MYRIP: variants seen among roughly 807,000 people sequenced by gnomAD.
MYRIP encodes myosin VIIA and Rab interacting protein.
A neutral mutation model predicts 98.0 loss-of-function variants in MYRIP; 49 were observed. The ratio of observed to expected loss-of-function variants is 0.50; its 90% CI spans 0.40 to 0.63. The LOEUF is 0.63. Among genes scored for constraint, MYRIP ranks in the 30% least tolerant of loss-of-function variants. The pLI is 0.00. For missense variants in MYRIP, 1,004 were observed against 1,058.2 expected (o/e 0.95, Z 0.71); for synonymous variants, 404 against 409.5 (o/e 0.99, Z 0.16).
chr3:40,000,067 C>T (rs1946479307), intron 2 of MYRIP, among the ~76,000 whole-genome samples: 1 of 151,330 alleles, frequency 6.6e-6, no homozygotes, highest in Admixed American at 6.6e-5. Context: ...AGGAAATATA[C>T]CTAATGTTAA....
At chr3:39,862,774 T>C (rs1280779240) in intron 1 of MYRIP, among the ~76,000 whole-genome samples, 1 of 152,172 alleles carries the variant, frequency 6.6e-6, no homozygotes, top group African/African-American at 2.4e-5. Context: ...AACTTGACAC[T>C]TGACCAAATG....
In MYRIP at chr3:39,953,936, C is replaced by T. The variant is rs574998237; in HGVS notation, c.110+53010C>T. On this transcript the variant is annotated intron_variant, in intron 2 of 16. Transcript: ENST00000302541. ...GCTAGCACAGCCGTCTGAGATTGAACTGCAAGGTGGCAGGGAGGCTGGGAG... is the reference window on the plus strand; with the variant it reads ...GCTAGCACAGCCGTCTGAGATTGAATTGCAAGGTGGCAGGGAGGCTGGGAG... Among the ~76,000 whole-genome samples, 20 of 152,286 alleles carry T rather than the reference C, an allele frequency of 1.3e-4. No individual in the cohort carries two copies. The South Asian group carries it at 3.7e-3, about 28-fold the overall frequency.
intron 1 of MYRIP, among the ~76,000 whole-genome samples, chr3:39,838,573 T>C (rs1559491960): frequency 1.3e-5 from 2 of 152,226 alleles, no homozygotes; most frequent in African/African-American, 4.8e-5. Flanking sequence ...TTGATCTTGG[T>C]GGATAAGCCT....
At chr3:39,864,599 T>G (rs540627345) in intron 1 of MYRIP, among the ~76,000 whole-genome samples, 4 of 152,170 alleles carry the variant, frequency 2.6e-5, no homozygotes, top group African/African-American at 9.6e-5. Flanking sequence ...ACCAGGGAAG[T>G]GAAAGATCTC....
At chr3:39,850,033 T>G (rs1390787710) in intron 1 of MYRIP, among the ~76,000 whole-genome samples, 3 of 152,182 alleles carry the variant, frequency 2.0e-5, no homozygotes, top group African/African-American at 7.2e-5. Context: ...CAAGAGTGTG[T>G]GTTCTGATGT....
At chr3:39,977,154 A>T (rs749107773) in intron 2 of MYRIP, among the ~76,000 whole-genome samples, 3 of 152,164 alleles carry the variant, frequency 2.0e-5, no homozygotes, top group Non-Finnish European at 2.9e-5. Context: ...AGTAAGCAAA[A>T]CTGCCCACTT....
intron 3 of MYRIP, among the ~76,000 whole-genome samples, chr3:40,094,035 A>G (rs1948778222): frequency 6.6e-6 from 1 of 152,006 alleles, no homozygotes; most frequent in Admixed American, 6.6e-5. Context: ...CTCTGCCTGG[A>G]AAGTTTCCCC....
At chr3:40,036,397 T>C (rs1947387145) in intron 2 of MYRIP, among the ~76,000 whole-genome samples, 1 of 149,138 alleles carries the variant, frequency 6.7e-6, no homozygotes, top group African/African-American at 2.5e-5. Context: ...AAGGGTTAAA[T>C]AGAGGCTGCT....
At chr3:40,033,563 A>C (rs1227930204) in intron 2 of MYRIP, among the ~76,000 whole-genome samples, 1 of 152,232 alleles carries the variant, frequency 6.6e-6, no homozygotes, top group Non-Finnish European at 1.5e-5. Context: ...GCTCAATGAA[A>C]TAAAAGAGGA....
intron 3 of MYRIP, among the ~76,000 whole-genome samples, chr3:40,059,714 G>GT (rs1172998739): frequency 6.6e-6 from 1 of 152,064 alleles, no homozygotes; most frequent in African/African-American, 2.4e-5. Context: ...ATTTTCTTTT[G>GT]TTTTTTCTTG....
intron 2 of MYRIP, among the ~76,000 whole-genome samples, chr3:39,939,665 T>A (rs1447973282): frequency 6.6e-6 from 1 of 152,170 alleles, no homozygotes; most frequent in Admixed American, 6.6e-5. Flanking sequence ...AAAGAGATAA[T>A]TTTTTCTTTC....
intron 1 of MYRIP, among the ~76,000 whole-genome samples, chr3:39,874,252 G>T (rs1575328633): frequency 3.3e-5 from 5 of 152,124 alleles, no homozygotes; most frequent in African/African-American, 1.2e-4. Flanking sequence ...TGAGACAATG[G>T]GGTTTTCTAG....
chr3:40,105,487 A>C (rs1034032954), intron 3 of MYRIP, among the ~76,000 whole-genome samples: 5 of 152,156 alleles, frequency 3.3e-5, no homozygotes, highest in African/African-American at 1.2e-4. Flanking sequence ...GTGGAAGGCA[A>C]AGCTGGAGCA....
intron 11 of MYRIP, among the ~76,000 whole-genome samples, chr3:40,224,975 G>A (rs527494020): frequency 1.3e-5 from 2 of 152,186 alleles, no homozygotes; most frequent in Non-Finnish European, 2.9e-5. Context: ...CATGAGAACT[G>A]AAATATATTA....
chr3:40,219,107 G>A (rs1952243841), intron 11 of MYRIP, among the ~76,000 whole-genome samples: 3 of 152,156 alleles, frequency 2.0e-5, no homozygotes, highest in South Asian at 4.1e-4. Flanking sequence ...TGTAGCACAT[G>A]CTGGTTAATC....
chr3:40,189,531 G>A (rs943335592), intron 9 of MYRIP, among the ~76,000 whole-genome samples: 52 of 152,232 alleles, frequency 3.4e-4, no homozygotes, highest in African/African-American at 1.3e-3. Flanking sequence ...TAGGGCAGGA[G>A]TGGGACAGTG....
upstream of MYRIP, among the ~76,000 whole-genome samples, chr3:39,809,330 C>T (rs1389359720): frequency 1.3e-5 from 2 of 150,688 alleles, no homozygotes; most frequent in South Asian, 2.1e-4. Flanking sequence ...GGAAGAGCCC[C>T]GGGAGGGGCG....
intron 1 of MYRIP, among the ~76,000 whole-genome samples, chr3:39,875,346 T>G (rs1942953812): frequency 6.6e-6 from 1 of 151,902 alleles, no homozygotes; most frequent in South Asian, 2.1e-4. Context: ...TTCCTTCAGT[T>G]CTGCTCTGAT....
chr3:39,993,257 A>G (rs1946225604), intron 2 of MYRIP, among the ~76,000 whole-genome samples: 1 of 152,200 alleles, frequency 6.6e-6, no homozygotes, highest in Admixed American at 6.5e-5. Flanking sequence ...TAACAGCATT[A>G]ATCTATCCTC....
Sources: gnomAD v4.1 joint callset for allele counts (sites outside exome capture counted in the v4.1 genomes callset) on GRCh38, gnomAD v4.1.1 for gene constraint, MANE v1.5 for transcripts, NCBI Gene and HGNC (gene_info 2026-07-23, HGNC 2026-07-21) for gene names.